The following STAP1 variants were observed in gnomAD, a reference collection of about 807,000 sequenced individuals.
The protein encoded by STAP1 is signal transducing adaptor family member 1, also known as signal-transducing adaptor protein 1.
In STAP1, 30 loss-of-function variants were observed where a neutral mutation model predicts 37.8. The ratio of observed to expected loss-of-function variants is 0.79; its 90% confidence interval spans 0.59 to 1.08. The LOEUF (loss-of-function observed/expected upper bound fraction) is 1.08. Ranked by LOEUF, STAP1 falls within the 50% of genes least tolerant of loss-of-function variation. The probability of loss-of-function intolerance (pLI) is 0.00; values close to 1 mark genes in which losing one functional copy is unlikely to be tolerated. For missense variants in STAP1, 357 were observed against 349.4 expected (o/e 1.02, Z -0.17); for synonymous variants, 130 against 116.0 (o/e 1.12, Z -0.78).
Position 67,583,583 on chromosome 4 carries a change from T to C in STAP1, c.540T>C (p.Tyr180=), listed in dbSNP as rs148529566. 1.2e-5 allele frequency: 19 copies of C among 1,611,394 alleles called. No homozygotes were observed. The highest frequency in any genetic ancestry group is 1.5e-5 in the Non-Finnish European group (18 of 1,179,192). The change falls in exon 6 of 9, where the codon TAT becomes TAC. Residue 180 remains tyrosine, a synonymous_variant. Coordinates refer to ENST00000265404, the MANE Select transcript of STAP1 (RefSeq NM_012108.4). ...DVLNPMPACF[Y]TVSRKEATEM... ...TATCTCACCTCTGTAGATGTTTTTATACAGTGTCCCGGAAAGAGGCAACTG... is the reference window on the plus strand; with the variant it reads ...TATCTCACCTCTGTAGATGTTTTTACACAGTGTCCCGGAAAGAGGCAACTG...
Position 67,581,439 on chromosome 4 carries a change from A to C in STAP1, c.498A>C (p.Glu166Asp), listed in dbSNP as rs763125873. ...TSVEKEKEPT[E>D]DYVDVLNPMP... ...TGGAAAAAGAGAAGGAACCAACTGA[A>C]GATTATGTGGATGTACTGAACCCTA... The change falls in exon 5 of 9, where the codon GAA (glutamate) becomes GAC (aspartate). Residue 166 changes from glutamate (E) to aspartate (D), a missense_variant. Coordinates refer to ENST00000265404, the MANE Select transcript of STAP1 (RefSeq NM_012108.4). The C allele has an allele frequency of 1.1e-5, 17 of 1,613,682 alleles. No individual in the cohort carries two copies. The highest frequency in any genetic ancestry group is 1.4e-5 in the Non-Finnish European group (17 of 1,179,866).
chr4:67,592,285 C>T (rs953519511), intron 7 of STAP1, among the ~76,000 whole-genome samples: 1 of 152,106 alleles, frequency 6.6e-6, no homozygotes, highest in Non-Finnish European at 1.5e-5. Flanking sequence ...TGTACCACTG[C>T]GCCTGGCTCA....
chr4:67,606,183 C>A, intron 8 of STAP1, 113 bp from the exon 9 acceptor site: 1 of 743,378 alleles, frequency 1.3e-6, no homozygotes, highest in Non-Finnish European at 2.2e-6. Context: ...AATTACTAAA[C>A]ACACCAGCAA....
chr4:67,591,649 A>T (rs1728121571), intron 7 of STAP1, among the ~76,000 whole-genome samples: 1 of 152,204 alleles, frequency 6.6e-6, no homozygotes, highest in Non-Finnish European at 1.5e-5. Flanking sequence ...GATATCTTAA[A>T]TAGAACTGGT....
At chr4:67,591,219 A>C (rs1728112768) in intron 7 of STAP1, among the ~76,000 whole-genome samples, 1 of 152,336 alleles carries the variant, frequency 6.6e-6, no homozygotes, top group East Asian at 1.9e-4. Context: ...TACTTTTGTT[A>C]AACATTCTCC....
intron 2 of STAP1, among the ~76,000 whole-genome samples, chr4:67,574,829 A>G (rs1321315310): frequency 2.0e-5 from 3 of 152,206 alleles, no homozygotes; most frequent in African/African-American, 7.2e-5. Context: ...GCCCCTGGAC[A>G]TCAACAAAAT....
At chr4:67,565,570 T>C (rs977790297) in intron 1 of STAP1, among the ~76,000 whole-genome samples, 1 of 152,214 alleles carries the variant, frequency 6.6e-6, no homozygotes, top group African/African-American at 2.4e-5. Context: ...CTCTTCTTTT[T>C]CTTTTCTTTT....
At chr4:67,578,114 C>A (rs1433144168) in intron 4 of STAP1, among the ~76,000 whole-genome samples, 1 of 152,146 alleles carries the variant, frequency 6.6e-6, no homozygotes, top group South Asian at 2.1e-4. Context: ...ATCTGTTCAA[C>A]TCTGTGGTGT....
intron 6 of STAP1, among the ~76,000 whole-genome samples, chr4:67,590,021 C>G (rs1383976096): frequency 1.3e-5 from 2 of 152,106 alleles, no homozygotes; most frequent in Non-Finnish European, 2.9e-5. Context: ...CCAGTCTGGT[C>G]TCTAACTCCT....
At chr4:67,583,529 C>T in intron 5 of STAP1, 45 bp from the exon 6 acceptor site, 1 of 1,539,668 alleles carries the variant, frequency 6.5e-7, no homozygotes, top group Non-Finnish European at 8.7e-7. Flanking sequence ...TAATGATCTT[C>T]ATCAGTTAAA....
intron 6 of STAP1, among the ~76,000 whole-genome samples, chr4:67,590,225 T>C (rs1270180320): frequency 1.3e-5 from 2 of 152,200 alleles, no homozygotes; most frequent in Non-Finnish European, 2.9e-5. Flanking sequence ...TAAAATACCC[T>C]GTATTTGAGT....
At chr4:67,605,485 A>G (rs1416975641) in intron 8 of STAP1, among the ~76,000 whole-genome samples, 1 of 151,766 alleles carries the variant, frequency 6.6e-6, no homozygotes, top group Non-Finnish European at 1.5e-5. Flanking sequence ...TGTGGTCGGG[A>G]ACAAACTACT....
chr4:67,601,823 G>A (rs116512793), intron 8 of STAP1, among the ~76,000 whole-genome samples: 213 of 152,194 alleles, frequency 1.4e-3, no homozygotes, highest in African/African-American at 4.7e-3. Context: ...CCTTGAAGTA[G>A]TCTTCTTTGA....
At chr4:67,599,920 G>A (rs375958003) in intron 8 of STAP1, among the ~76,000 whole-genome samples, 1 of 152,146 alleles carries the variant, frequency 6.6e-6, no homozygotes, top group Admixed American at 6.5e-5. Context: ...GGGATTACAG[G>A]TGTGAGCCAC....
chr4:67,578,747 C>T (rs2109863062), intron 4 of STAP1, among the ~76,000 whole-genome samples: 1 of 152,038 alleles, frequency 6.6e-6, no homozygotes, highest in East Asian at 1.9e-4. Flanking sequence ...AGTTTCTTTC[C>T]TGGAGTAAAA....
chr4:67,561,365 T>G, intron 1 of STAP1, among the ~76,000 whole-genome samples: 4 of 152,322 alleles, frequency 2.6e-5, no homozygotes, highest in Admixed American at 2.6e-4. Context: ...GAATGTAAAG[T>G]TGGGTCTCTG....
chr4:67,578,139 A>G (rs996309514), intron 4 of STAP1, among the ~76,000 whole-genome samples: 1 of 152,186 alleles, frequency 6.6e-6, no homozygotes, highest in African/African-American at 2.4e-5. Context: ...TCAGAGGCAA[A>G]TAGTAAGATC....
Position 67,604,347 on chromosome 4 carries a change from C to T in STAP1, c.827-1949C>T, listed in dbSNP as rs150407438. On this transcript the variant is annotated intron_variant, in intron 8 of 8. Coordinates refer to ENST00000265404, the MANE Select transcript of STAP1 (RefSeq NM_012108.4). ...AAAACCAAGTACTGTAATTGCTCAC[C>T]GGATTTTTGGTTCTTATTAAGGTGC... Among the ~76,000 whole-genome samples, 99 of 152,200 alleles carry T rather than the reference C, an allele frequency of 6.5e-4. 2 individuals are homozygous for T. Among genetic ancestry groups the T allele is most frequent in the Admixed American group, 4.6e-3 (70 of 15,284 alleles).
At position 67,606,870 on chromosome 4, in the gene STAP1, A is replaced by G. The variant is rs1728460388; in HGVS notation, c.*513A>G. On this transcript the variant is annotated 3_prime_UTR_variant, in exon 9 of 9. Coordinates refer to ENST00000265404, the MANE Select transcript of STAP1 (RefSeq NM_012108.4). Reference sequence around the variant, plus strand: ...ATATTATATACCACATTTTTTGTTAATGGAAATAAATGTCTTCATTCCCAT... The same window carrying G: ...ATATTATATACCACATTTTTTGTTAGTGGAAATAAATGTCTTCATTCCCAT... 1 of 152,214 alleles carries G rather than the reference A, an allele frequency of 6.6e-6. No individual in the cohort carries two copies. 9.4% of individuals were successfully genotyped at this position (152,214 alleles called of 1,614,324 possible).
Sources: allele counts gnomAD v4.1 joint callset (sites outside exome capture counted in the v4.1 genomes callset), GRCh38; gene constraint gnomAD v4.1.1; transcripts MANE v1.5; gene names NCBI Gene and HGNC (gene_info 2026-07-23, HGNC 2026-07-21).